The following MBNL2 variants were observed in gnomAD, a reference collection of about 807,000 sequenced individuals.
MBNL2 encodes the protein muscleblind-like protein 2.
MBNL2 carries 17 observed loss-of-function variants against 41.9 expected under a neutral mutation model. The observed-to-expected ratio is 0.41, with a 90% CI of 0.28 to 0.61. The LOEUF is 0.61. Among genes scored for constraint, MBNL2 ranks in the 20% least tolerant of loss-of-function variants. MBNL2 has a pLI of 0.35. For missense variants in MBNL2, 336 were observed against 505.6 expected (o/e 0.66, Z 3.22); for synonymous variants, 195 against 182.9 (o/e 1.07, Z -0.53).
intron 5 of MBNL2, among the ~76,000 whole-genome samples, chr13:97,349,623 G>A (rs916384744): frequency 6.6e-6 from 1 of 152,214 alleles, no homozygotes; most frequent in East Asian, 1.9e-4. Flanking sequence ...CGCCTCCCAG[G>A]TTCAAGTGAT....
intron 8 of MBNL2, among the ~76,000 whole-genome samples, chr13:97,370,177 AG>A (rs2064227909): frequency 6.6e-6 from 1 of 152,188 alleles, no homozygotes; most frequent in Non-Finnish European, 1.5e-5. Flanking sequence ...CTGAAACAAA[AG>A]TTAGCTACCT....
chr13:97,363,654 A>G (rs368239516), intron 7 of MBNL2, among the ~76,000 whole-genome samples: 5 of 152,192 alleles, frequency 3.3e-5, no homozygotes, highest in African/African-American at 1.2e-4. Flanking sequence ...TTGAAGAGGA[A>G]TGAAGACTCA....
chr13:97,217,035 A>T (rs940635443), upstream of MBNL2, among the ~76,000 whole-genome samples: 1 of 145,576 alleles, frequency 6.9e-6, no homozygotes. Context: ...ATAACATAAT[A>T]TACACATAAT....
intron 1 of MBNL2, among the ~76,000 whole-genome samples, chr13:97,259,859 A>G (rs1317364592): frequency 6.6e-6 from 1 of 152,150 alleles, no homozygotes; most frequent in Non-Finnish European, 1.5e-5. Context: ...GCGGGCACAG[A>G]CTGTAAGCTC....
intron 8 of MBNL2, among the ~76,000 whole-genome samples, chr13:97,365,411 T>A (rs2063769786): frequency 6.6e-6 from 1 of 152,080 alleles, no homozygotes; most frequent in African/African-American, 2.4e-5. Context: ...CAAGTACGAG[T>A]CTGCTTTTTA....
intron 8 of MBNL2, among the ~76,000 whole-genome samples, chr13:97,376,949 G>A (rs1253472681): frequency 1.3e-5 from 2 of 152,164 alleles, no homozygotes; most frequent in Non-Finnish European, 2.9e-5. Context: ...CCCATGTCCT[G>A]CCTAGAACAA....
intron 2 of MBNL2, among the ~76,000 whole-genome samples, chr13:97,311,903 C>T (rs1422629473): frequency 1.3e-5 from 2 of 152,220 alleles, no homozygotes; most frequent in African/African-American, 4.8e-5. Context: ...ACCTGCCCCA[C>T]ATTCCATTAC....
the MBNL2 span, among the ~76,000 whole-genome samples, chr13:97,169,271 C>T: frequency 7.2e-5 from 11 of 152,128 alleles, no homozygotes; most frequent in African/African-American, 1.2e-4. Flanking sequence ...TCAAATGAAA[C>T]GAAGGGGCTA....
In MBNL2 at chr13:97,334,875, G is replaced by T. The variant is rs868842157; in HGVS notation, c.339+435G>T. Among the ~76,000 whole-genome samples, 40 of 152,196 alleles carry T rather than the reference G, an allele frequency of 2.6e-4. No individual in the cohort carries two copies. Among genetic ancestry groups the T allele is most frequent in the African/African-American group, 2.4e-5 (1 of 41,450 alleles). ...AACCAGAGAAGTTCAATGATTTTCC[G>T]CAATGTCATGCAGCTAATAAATCTT... On this transcript the variant is annotated intron_variant, in intron 3 of 8. Coordinates refer to ENST00000679496, the MANE Select transcript of MBNL2 (RefSeq NM_001382683.1). The surrounding 1 kb of genome is among the most constrained non-coding windows in gnomAD (Gnocchi z 5.3).
intron 5 of MBNL2, among the ~76,000 whole-genome samples, chr13:97,350,980 A>G (rs2062393976): frequency 6.6e-6 from 1 of 152,230 alleles, no homozygotes; most frequent in South Asian, 2.1e-4. Flanking sequence ...CATCAGAGGA[A>G]TCACTATCTG....
chr13:97,232,286 T>C (rs1566355105), intron 1 of MBNL2, among the ~76,000 whole-genome samples: 1 of 152,174 alleles, frequency 6.6e-6, no homozygotes, highest in East Asian at 1.9e-4. Flanking sequence ...GGAGTCAAGC[T>C]AAACTGATTT....
At chr13:97,293,751 A>G (rs2056573265) in intron 2 of MBNL2, among the ~76,000 whole-genome samples, 1 of 151,964 alleles carries the variant, frequency 6.6e-6, no homozygotes, top group Admixed American at 6.6e-5. Flanking sequence ...CTTGTGTATC[A>G]ATATGCAATT....
chr13:97,227,728 T>C (rs2041852462), intron 1 of MBNL2, among the ~76,000 whole-genome samples: 1 of 152,154 alleles, frequency 6.6e-6, no homozygotes, highest in Non-Finnish European at 1.5e-5. Context: ...TCCCTGGGGG[T>C]GCACATGCTT....
chr13:97,142,973 A>G, the MBNL2 span, among the ~76,000 whole-genome samples: 1 of 152,200 alleles, frequency 6.6e-6, no homozygotes, highest in Non-Finnish European at 1.5e-5. Context: ...GAAGCACCGG[A>G]TCAGATCCTC....
intron 1 of MBNL2, among the ~76,000 whole-genome samples, chr13:97,272,854 A>G (rs2051349245): frequency 6.6e-6 from 1 of 152,232 alleles, no homozygotes; most frequent in African/African-American, 2.4e-5. Flanking sequence ...AATTTTAAGC[A>G]AGTGTATCTT....
chr13:97,180,756 A>AT, the MBNL2 span, among the ~76,000 whole-genome samples: 4 of 151,758 alleles, frequency 2.6e-5, no homozygotes, highest in South Asian at 2.1e-4. Flanking sequence ...AAAAAAAAAA[A>AT]AAAAAAAACA....
At chr13:97,316,015 C>T (rs545770132) in intron 2 of MBNL2, among the ~76,000 whole-genome samples, 1 of 152,314 alleles carries the variant, frequency 6.6e-6, no homozygotes, top group African/African-American at 2.4e-5. Context: ...GACCACACCT[C>T]TCTCCTGGAC....
intron 1 of MBNL2, among the ~76,000 whole-genome samples, chr13:97,244,528 CTT>C (rs1190977312): frequency 6.6e-6 from 1 of 152,208 alleles, no homozygotes; most frequent in African/African-American, 2.4e-5. Flanking sequence ...AACCATGAAA[CTT>C]TGACTTTTTT....
At chr13:97,390,127 T>A (rs1257517482) in intron 8 of MBNL2, among the ~76,000 whole-genome samples, 35 of 152,208 alleles carry the variant, frequency 2.3e-4, no homozygotes, top group Admixed American at 2.3e-3. Context: ...AAGTTTCCAT[T>A]TACTATAAAT....
Sources: allele counts gnomAD v4.1 joint callset (sites outside exome capture counted in the v4.1 genomes callset), GRCh38; gene constraint gnomAD v4.1.1; non-coding constraint Gnocchi (gnomAD v3.1); transcripts MANE v1.5; gene names NCBI Gene and HGNC (gene_info 2026-07-23, HGNC 2026-07-21).